SYNDIG1: variants seen among roughly 807,000 people sequenced by gnomAD.
The protein encoded by SYNDIG1 is synapse differentiation-inducing gene protein 1.
Under a neutral mutation model 19.4 loss-of-function variants are expected in SYNDIG1, and 9 were observed. That is an observed-to-expected ratio of 0.46 (90% CI 0.28 to 0.81). SYNDIG1 has a LOEUF of 0.81. SYNDIG1 is among the 30% of genes least tolerant of loss of function. SYNDIG1 has a pLI of 0.12. For missense variants in SYNDIG1, 311 were observed against 343.3 expected (o/e 0.91, Z 0.74); for synonymous variants, 141 against 145.9 (o/e 0.97, Z 0.24).
At chr20:24,653,795 G>C (rs975175787) in intron 3 of SYNDIG1, among the ~76,000 whole-genome samples, 1 of 152,218 alleles carries the variant, frequency 6.6e-6, no homozygotes, top group African/African-American at 2.4e-5. Context: ...TTCTCCTGAG[G>C]CCACTCTCCT....
At chr20:24,530,937 T>C (rs1342358855) in intron 1 of SYNDIG1, among the ~76,000 whole-genome samples, 1 of 151,890 alleles carries the variant, frequency 6.6e-6, no homozygotes, top group Non-Finnish European at 1.5e-5. Context: ...GGCTCCTGAG[T>C]AGCTGGGACT....
chr20:24,567,515 G>A (rs2058069017), intron 2 of SYNDIG1, among the ~76,000 whole-genome samples: 1 of 152,180 alleles, frequency 6.6e-6, no homozygotes, highest in South Asian at 2.1e-4. Flanking sequence ...TCACTCTGGG[G>A]CCCTCTTGAA....
At chr20:24,590,381 C>T (rs1290080142) in intron 3 of SYNDIG1, among the ~76,000 whole-genome samples, 2 of 152,078 alleles carry the variant, frequency 1.3e-5, no homozygotes, top group Non-Finnish European at 2.9e-5. Context: ...TAGGCTGTGA[C>T]CGAGCGGGGC....
chr20:24,512,100 G>T (rs1466559311), intron 1 of SYNDIG1, among the ~76,000 whole-genome samples: 2 of 121,402 alleles, frequency 1.6e-5, no homozygotes, highest in African/African-American at 6.7e-5. Flanking sequence ...GGCACCATTG[G>T]TCTTTAAAAT....
intron 3 of SYNDIG1, among the ~76,000 whole-genome samples, chr20:24,587,131 T>A (rs566964074): frequency 1.3e-5 from 2 of 152,212 alleles, no homozygotes; most frequent in African/African-American, 2.4e-5. Flanking sequence ...CTATAGAGGC[T>A]TCTGACCACA....
At chr20:24,582,954 G>T (rs2147017775) in intron 2 of SYNDIG1, among the ~76,000 whole-genome samples, 1 of 152,298 alleles carries the variant, frequency 6.6e-6, no homozygotes, top group African/African-American at 2.4e-5. Flanking sequence ...TCAGGTCCCT[G>T]CCCTGCAGGC....
At chr20:24,646,489 T>C (rs551834789) in intron 3 of SYNDIG1, among the ~76,000 whole-genome samples, 1 of 152,156 alleles carries the variant, frequency 6.6e-6, no homozygotes, top group Non-Finnish European at 1.5e-5. Context: ...AGCTGCCTGT[T>C]AGAAAGAGCC....
At chr20:24,659,521 C>G (rs912032255) in intron 3 of SYNDIG1, among the ~76,000 whole-genome samples, 6 of 152,222 alleles carry the variant, frequency 3.9e-5, no homozygotes. Context: ...CACAAGGGCC[C>G]AGACAGGAGC....
intron 3 of SYNDIG1, among the ~76,000 whole-genome samples, chr20:24,612,531 A>G (rs967747095): frequency 1.3e-5 from 2 of 152,192 alleles, no homozygotes; most frequent in Non-Finnish European, 2.9e-5. Context: ...TCTTGGCACA[A>G]CCTTTCATTA....
At chr20:24,518,559 A>C (rs1206331531) in intron 1 of SYNDIG1, among the ~76,000 whole-genome samples, 1 of 152,222 alleles carries the variant, frequency 6.6e-6, no homozygotes, top group Non-Finnish European at 1.5e-5. Context: ...CTAATCTTTC[A>C]GAAAAGTATT....
chr20:24,616,332 C>T (rs1004771703), intron 3 of SYNDIG1, among the ~76,000 whole-genome samples: 3 of 152,220 alleles, frequency 2.0e-5, no homozygotes, highest in Non-Finnish European at 4.4e-5. Context: ...TCCATCTGGC[C>T]GGCACCTCCT....
chr20:24,601,264 G>C (rs1251444120), intron 3 of SYNDIG1, among the ~76,000 whole-genome samples: 1 of 152,170 alleles, frequency 6.6e-6, no homozygotes, highest in Non-Finnish European at 1.5e-5. Flanking sequence ...GTTTACGAGA[G>C]AGATTGATGT....
chr20:24,649,009 C>T (rs1164040419), intron 3 of SYNDIG1, among the ~76,000 whole-genome samples: 1 of 152,188 alleles, frequency 6.6e-6, no homozygotes, highest in Non-Finnish European at 1.5e-5. Flanking sequence ...AAAAGGTGAC[C>T]TATGCTCCCT....
chr20:24,507,399 A>G (rs185175609), intron 1 of SYNDIG1, among the ~76,000 whole-genome samples: 27 of 152,352 alleles, frequency 1.8e-4, no homozygotes, highest in African/African-American at 6.3e-4. Flanking sequence ...AGGAATAAAT[A>G]AGACTCAATA....
At chr20:24,628,196 C>T (rs563640620) in intron 3 of SYNDIG1, among the ~76,000 whole-genome samples, 7 of 152,122 alleles carry the variant, frequency 4.6e-5, no homozygotes, top group African/African-American at 1.2e-4. Context: ...AATTAGCAAC[C>T]GCTGCCAGGA....
intron 2 of SYNDIG1, among the ~76,000 whole-genome samples, chr20:24,556,668 G>A (rs1388220306): frequency 6.6e-6 from 1 of 152,212 alleles, no homozygotes; most frequent in African/African-American, 2.4e-5. Flanking sequence ...TTTCTGCCAA[G>A]AGATCCACTG....
At chr20:24,488,101 A>C (rs1239405967) in intron 1 of SYNDIG1, among the ~76,000 whole-genome samples, 1 of 152,222 alleles carries the variant, frequency 6.6e-6, no homozygotes, top group Non-Finnish European at 1.5e-5. Flanking sequence ...ACAACAAGTA[A>C]TAACACATGG....
At chr20:24,472,691 C>G (rs1402286238) in intron 1 of SYNDIG1, among the ~76,000 whole-genome samples, 1 of 152,194 alleles carries the variant, frequency 6.6e-6, no homozygotes, top group African/African-American at 2.4e-5. Context: ...ACTGTGACTT[C>G]TACTGTCTGG....
intron 1 of SYNDIG1, among the ~76,000 whole-genome samples, chr20:24,535,623 T>TG (rs2057345500): frequency 6.6e-6 from 1 of 151,610 alleles, no homozygotes; most frequent in Non-Finnish European, 1.5e-5. Flanking sequence ...AGGTTTTTCA[T>TG]GAAAAAAAAA....
Sources: allele counts gnomAD v4.1 joint callset (sites outside exome capture counted in the v4.1 genomes callset), GRCh38; gene constraint gnomAD v4.1.1; transcripts MANE v1.5; gene names NCBI Gene and HGNC (gene_info 2026-07-23, HGNC 2026-07-21).